Variants in PXDNL observed in about 807,000 individuals in gnomAD.
PXDNL encodes the protein probable oxidoreductase PXDNL.
Under a neutral mutation model 150.8 loss-of-function variants are expected in PXDNL, and 145 were observed. The observed-to-expected ratio is 0.96, with a 90% confidence interval of 0.84 to 1.10. The LOEUF is 1.10. PXDNL is among the 50% of genes least tolerant of loss of function. PXDNL has a pLI of 0.00. For missense variants in PXDNL, 2,087 were observed against 1,873.9 expected, an observed-to-expected ratio of 1.11 and a Z score of -2.10; for synonymous variants, 757 against 725.7, an observed-to-expected ratio of 1.04 and a Z score of -0.69.
intron 1 of PXDNL, among the ~76,000 whole-genome samples, chr8:51,701,936 C>T (rs1816266654): frequency 6.6e-6 from 1 of 152,156 alleles, no homozygotes; most frequent in Non-Finnish European, 1.5e-5. Context: ...TTTTTAAACT[C>T]CTGAAGCCTG....
intron 1 of PXDNL, among the ~76,000 whole-genome samples, chr8:51,660,923 C>T (rs1052401623): frequency 5.3e-5 from 8 of 152,186 alleles, no homozygotes; most frequent in African/African-American, 1.9e-4. Flanking sequence ...CGCCACAACC[C>T]CTCCCTCAGG....
At chr8:51,696,657 C>CCACACACAGGTCCACACACATCCA (rs1816135414) in intron 1 of PXDNL, among the ~76,000 whole-genome samples, 1 of 3,186 alleles carries the variant, frequency 3.1e-4, no homozygotes, top group Non-Finnish European at 7.1e-4. Context: ...CCACACACAT[C>CCACACACAGGTCCACACACATCCA]CACACACAGG....
intron 21 of PXDNL, among the ~76,000 whole-genome samples, chr8:51,337,916 C>T (rs1175654100): frequency 6.9e-6 from 1 of 145,508 alleles, no homozygotes; most frequent in Non-Finnish European, 1.5e-5. Flanking sequence ...CAGTGGCTCA[C>T]ACCTGTAGTC....
intron 1 of PXDNL, among the ~76,000 whole-genome samples, chr8:51,779,655 G>C (rs1015799489): frequency 6.6e-6 from 1 of 152,194 alleles, no homozygotes; most frequent in African/African-American, 2.4e-5. Context: ...AAGTATGTGT[G>C]CCCATAAATT....
At chr8:51,362,916 T>C in intron 19 of PXDNL, among the ~76,000 whole-genome samples, 1 of 152,212 alleles carries the variant, frequency 6.6e-6, no homozygotes, top group East Asian at 1.9e-4. Flanking sequence ...GTTTCAAAAT[T>C]GTCAGTTAAA....
chr8:51,729,028 T>G (rs1408893316), intron 1 of PXDNL, among the ~76,000 whole-genome samples: 1 of 152,220 alleles, frequency 6.6e-6, no homozygotes, highest in Non-Finnish European at 1.5e-5. Context: ...ACATAAATAC[T>G]TACCCTTGTA....
intron 13 of PXDNL, among the ~76,000 whole-genome samples, chr8:51,424,683 AT>A (rs1294746898): frequency 1.3e-5 from 2 of 152,232 alleles, no homozygotes; most frequent in African/African-American, 2.4e-5. Flanking sequence ...AAATGGCCTT[AT>A]GAAATTGCAG....
intron 2 of PXDNL, among the ~76,000 whole-genome samples, chr8:51,653,554 T>A (rs1815084981): frequency 6.6e-6 from 1 of 152,202 alleles, no homozygotes; most frequent in Admixed American, 6.5e-5. Flanking sequence ...ACATTGCACT[T>A]TGATAATCAT....
chr8:51,736,732 C>A (rs1344182425), intron 1 of PXDNL, among the ~76,000 whole-genome samples: 1 of 152,182 alleles, frequency 6.6e-6, no homozygotes, highest in East Asian at 1.9e-4. Context: ...CTTTGTGGTA[C>A]ATAAGGGCAG....
intron 1 of PXDNL, among the ~76,000 whole-genome samples, chr8:51,728,890 C>T (rs557172864): frequency 2.0e-5 from 3 of 152,326 alleles, no homozygotes; most frequent in Non-Finnish European, 4.4e-5. Flanking sequence ...CACTCACTCA[C>T]TGACTTCCCC....
intron 4 of PXDNL, among the ~76,000 whole-genome samples, chr8:51,526,468 G>A (rs4291262): frequency 6.6e-6 from 1 of 151,938 alleles, no homozygotes; most frequent in Non-Finnish European, 1.5e-5. Context: ...AGGTTATACA[G>A]CCATCTAGAA....
chr8:51,643,901 A>G (rs1814838016), intron 2 of PXDNL, among the ~76,000 whole-genome samples: 1 of 152,190 alleles, frequency 6.6e-6, no homozygotes, highest in Non-Finnish European at 1.5e-5. Context: ...ACACTTCTCA[A>G]AAGAAGACAA....
At chr8:51,755,722 A>T (rs1431217571) in intron 1 of PXDNL, among the ~76,000 whole-genome samples, 1 of 152,182 alleles carries the variant, frequency 6.6e-6, no homozygotes, top group Non-Finnish European at 1.5e-5. Context: ...TTTATTAACA[A>T]AATCACTAAT....
intron 2 of PXDNL, among the ~76,000 whole-genome samples, chr8:51,601,774 C>T (rs1386244825): frequency 1.3e-5 from 2 of 149,982 alleles, no homozygotes; most frequent in Admixed American, 6.7e-5. Context: ...TAGCTATTTG[C>T]TTTGTAGTAG....
intron 1 of PXDNL, among the ~76,000 whole-genome samples, chr8:51,768,469 G>C (rs1415791119): frequency 6.6e-6 from 1 of 152,058 alleles, no homozygotes. Context: ...ATTATAGGAA[G>C]TTAACTTCAT....
At chr8:51,621,436 GTGTGTGTGTGTC>G (rs953666794) in intron 2 of PXDNL, among the ~76,000 whole-genome samples, 1 of 134,654 alleles carries the variant, frequency 7.4e-6, no homozygotes, top group African/African-American at 3.3e-5. Context: ...AAAAGAATGA[GTGTGTGTGTGTC>G]TGTGTGTGTG....
At chr8:51,344,302 T>C (rs760841206) in intron 20 of PXDNL, among the ~76,000 whole-genome samples, 7 of 152,064 alleles carry the variant, frequency 4.6e-5, no homozygotes, top group Non-Finnish European at 1.0e-4. Flanking sequence ...AAAACTTTTT[T>C]AGAGATGGAG....
intron 1 of PXDNL, among the ~76,000 whole-genome samples, chr8:51,781,648 T>C (rs1362582648): frequency 2.0e-5 from 3 of 152,200 alleles, no homozygotes; most frequent in African/African-American, 7.2e-5. Context: ...ACATGTTTCC[T>C]GGGCTCCTAC....
At chr8:51,598,988 A>G (rs775259022) in intron 2 of PXDNL, among the ~76,000 whole-genome samples, 8 of 152,220 alleles carry the variant, frequency 5.3e-5, no homozygotes, top group Admixed American at 3.3e-4. Context: ...ACAGGAATTT[A>G]TCAATTTCCT....
Sources: allele counts gnomAD v4.1 joint callset (sites outside exome capture counted in the v4.1 genomes callset), GRCh38; gene constraint gnomAD v4.1.1; transcripts MANE v1.5; gene names NCBI Gene and HGNC (gene_info 2026-07-23, HGNC 2026-07-21).